TMEM50B: variants seen among roughly 807,000 people sequenced by gnomAD.
TMEM50B encodes the protein transmembrane protein 50B, also known as HCV p7-trans-regulated protein 3.
TMEM50B carries 14 observed loss-of-function variants against 23.4 expected under a neutral mutation model. The observed-to-expected ratio is 0.60, with a 90% CI of 0.39 to 0.93. The LOEUF is 0.93. TMEM50B is among the 40% of genes least tolerant of loss of function. The probability of loss-of-function intolerance (pLI) is 0.00; values close to 1 mark genes in which losing one functional copy is unlikely to be tolerated. For synonymous variants in TMEM50B, 64 were observed against 62.3 expected, an observed-to-expected ratio of 1.03 and a Z score of -0.13; for missense variants, 159 against 193.0, an observed-to-expected ratio of 0.82 and a Z score of 1.04.
At chr21:33,472,434 C>G (rs551221965) in intron 1 of TMEM50B, among the ~76,000 whole-genome samples, 79 of 152,002 alleles carry the variant, frequency 5.2e-4, no homozygotes, top group South Asian at 3.5e-3. Context: ...AGATTAGATA[C>G]AGTAGAAGAA....
Position 33,460,494 on chromosome 21 carries a change from A to C in TMEM50B, c.292T>G (p.Trp98Gly). ...GCLGRTGARVWLFIGFMLMFG... is the reference protein window; with the variant it reads ...GCLGRTGARVGLFIGFMLMFG... ...ATCAACATGAAACCAATGAAAAGCC[A>C]AACTCGAGCACCTGTGTAGAGAAGA... is the stretch of plus-strand genomic sequence containing the variant. The change falls in exon 5 of 7, where the codon TGG becomes GGG. Residue 98 changes from tryptophan (W) to glycine (G), a missense_variant. Trp to Gly is a radical substitution (Grantham distance 184). Coordinates refer to ENST00000542230, the MANE Select transcript of TMEM50B (RefSeq NM_006134.7). The C allele has an allele frequency of 6.2e-7, 1 of 1,609,614 alleles. No individual in the cohort carries two copies. Among genetic ancestry groups the C allele is most frequent in the African/African-American group, 1.3e-5 (1 of 74,708 alleles).
At chr21:33,461,139 C>G (rs1293730327) in intron 4 of TMEM50B, among the ~76,000 whole-genome samples, 1 of 152,188 alleles carries the variant, frequency 6.6e-6, no homozygotes, top group Non-Finnish European at 1.5e-5. Context: ...AATACTTGCA[C>G]CAGATCCTGT....
chr21:33,476,745 A>G (rs2084375729), intron 1 of TMEM50B, among the ~76,000 whole-genome samples: 1 of 116,396 alleles, frequency 8.6e-6, no homozygotes. Context: ...TGGGCGACAG[A>G]GTGAGACTCC....
chr21:33,435,681 G>A (rs779883614), intron 8 of TMEM50B, among the ~76,000 whole-genome samples: 1 of 151,540 alleles, frequency 6.6e-6, no homozygotes, highest in Non-Finnish European at 1.5e-5. Flanking sequence ...TCAGGAGATC[G>A]AGACCATCCT....
At chr21:33,446,392 A>G (rs548473805), downstream of TMEM50B, among the ~76,000 whole-genome samples, 55 of 151,138 alleles carry the variant, frequency 3.6e-4, no homozygotes, top group African/African-American at 1.3e-3. Context: ...ATGTACCACC[A>G]TACTTGGCTA....
intron 2 of TMEM50B, among the ~76,000 whole-genome samples, chr21:33,468,141 G>GT (rs5843607): frequency 0.23 from 33,320 of 146,092 alleles, 4,282 homozygotes; most frequent in Middle Eastern, 0.32. Flanking sequence ...ATTTTGGGGT[G>GT]TTTTTTTTTT....
chr21:33,445,522 C>T (rs1357348797), downstream of TMEM50B, among the ~76,000 whole-genome samples: 1 of 152,244 alleles, frequency 6.6e-6, no homozygotes, highest in Non-Finnish European at 1.5e-5. Flanking sequence ...TAAGAAATGC[C>T]GGGCACGGCG....
chr21:33,472,345 T>A (rs1454502100), intron 1 of TMEM50B, among the ~76,000 whole-genome samples: 2 of 152,058 alleles, frequency 1.3e-5, no homozygotes, highest in Non-Finnish European at 2.9e-5. Context: ...ATTGCACCAC[T>A]GCACTCCAGT....
chr21:33,462,104 C>T (rs184855951), intron 4 of TMEM50B, among the ~76,000 whole-genome samples: 70 of 152,148 alleles, frequency 4.6e-4, no homozygotes, highest in Non-Finnish European at 7.9e-4. Context: ...CATTTTTCTA[C>T]CTAGTTCCTG....
chr21:33,433,031 G>A (rs1300173339), intron 8 of TMEM50B, among the ~76,000 whole-genome samples: 1 of 151,978 alleles, frequency 6.6e-6, no homozygotes, highest in Admixed American at 6.6e-5. Flanking sequence ...TATTACAAGT[G>A]CTCACCACCA....
chr21:33,470,699 C>T (rs948430320), intron 1 of TMEM50B, among the ~76,000 whole-genome samples: 2 of 152,034 alleles, frequency 1.3e-5, no homozygotes, highest in African/African-American at 4.8e-5. Context: ...GCCCTCCAGC[C>T]TGGGCAACAG....
At chr21:33,447,707 CACACACACACACATAT>C (rs1391278089), downstream of TMEM50B, among the ~76,000 whole-genome samples, 114 of 108,774 alleles carry the variant, frequency 1.0e-3, no homozygotes, top group African/African-American at 3.9e-3. Flanking sequence ...CACACACACA[CACACACACACACATAT>C]ATATATATAC....
At chr21:33,450,972 T>G (rs2084114692) in intron 6 of TMEM50B, 109 bp from the exon 7 acceptor site, 6 of 880,750 alleles carry the variant, frequency 6.8e-6, no homozygotes, top group Non-Finnish European at 8.8e-6. Flanking sequence ...CCTATCAATT[T>G]TAAAAATTAA....
At chr21:33,437,269 TAC>T in intron 8 of TMEM50B, 2 of 331,212 alleles carry the variant, frequency 6.0e-6, no homozygotes, top group South Asian at 6.1e-5. Context: ...ACATCTCTGA[TAC>T]TTTTTTCATT....
At chr21:33,436,753 C>A (rs924884165) in intron 8 of TMEM50B, 353 of 1,200,962 alleles carry the variant, frequency 2.9e-4, no homozygotes, top group Non-Finnish European at 3.3e-4. Context: ...AAAATAAAAA[C>A]AAAAACTAAA....
At chr21:33,454,520 C>A (rs986071242) in intron 6 of TMEM50B, among the ~76,000 whole-genome samples, 1 of 151,958 alleles carries the variant, frequency 6.6e-6, no homozygotes, top group South Asian at 2.1e-4. Flanking sequence ...AGGCTGGTCT[C>A]GAACCCCTGA....
At chr21:33,472,176 G>T in intron 1 of TMEM50B, among the ~76,000 whole-genome samples, 1 of 151,592 alleles carries the variant, frequency 6.6e-6, no homozygotes, top group Non-Finnish European at 1.5e-5. Context: ...GAGGTCAAGA[G>T]ATCGAGACCA....
intron 5 of TMEM50B, among the ~76,000 whole-genome samples, chr21:33,457,023 G>A (rs2084174789): frequency 1.3e-5 from 2 of 152,308 alleles, no homozygotes; most frequent in South Asian, 4.1e-4. Context: ...GGGGGGCCGA[G>A]GCGGGTAGAT....
At chr21:33,466,936 AG>A in intron 3 of TMEM50B, 73 bp downstream of exon 3, 1 of 1,158,494 alleles carries the variant, frequency 8.6e-7, no homozygotes, top group Admixed American at 2.1e-5. Context: ...AAGTTATTCA[AG>A]AAAGCACTGC....
Sources: gnomAD v4.1 joint callset for allele counts (sites outside exome capture counted in the v4.1 genomes callset) on GRCh38, gnomAD v4.1.1 for gene constraint, MANE v1.5 for transcripts, NCBI Gene and HGNC (gene_info 2026-07-23, HGNC 2026-07-21) for gene names.